RBM41: variants seen among roughly 807,000 people sequenced by gnomAD.
RBM41 encodes RNA binding motif protein 41.
RBM41 carries 14 observed loss-of-function variants against 30.8 expected under a neutral mutation model. That is an observed-to-expected ratio of 0.45 (90% CI 0.30 to 0.71). The LOEUF is 0.71. RBM41 is among the 30% of genes least tolerant of loss of function. RBM41 has a pLI of 0.08. For missense variants in RBM41, 276 were observed against 326.3 expected, an observed-to-expected ratio of 0.85 and a Z score of 1.19; for synonymous variants, 120 against 110.1, an observed-to-expected ratio of 1.09 and a Z score of -0.56.
downstream of RBM41, among the ~76,000 whole-genome samples, chrX:107,059,488 C>T (rs960777718): frequency 1.3e-4 from 15 of 111,308 alleles, no homozygotes; most frequent in African/African-American, 4.9e-4. Flanking sequence ...GCATATGTAT[C>T]CTGGAACTTT....
At chrX:107,101,167 G>T (rs1923424854) in intron 5 of RBM41, among the ~76,000 whole-genome samples, 1 of 111,454 alleles carries the variant, frequency 9.0e-6, no homozygotes, top group Admixed American at 9.6e-5. Context: ...ATATCTAGTG[G>T]GAAGAGGGTT....
Position 107,066,557 on chromosome X carries a change from A to T in RBM41, c.*970T>A, listed in dbSNP as rs1382507370. On this transcript the variant is annotated 3_prime_UTR_variant, in exon 8 of 8. Transcript: ENST00000685964. ...ACAACCCAGTGAGGTAAGTAGCATT[A>T]TTATCCTCACTTTATAGATGAAAAA... The T allele has an allele frequency of 1.9e-5, 4 of 213,275 alleles. No homozygotes were observed. Among genetic ancestry groups the T allele is most frequent in the African/African-American group, 3.0e-5 (1 of 32,916 alleles). 17.6% of individuals were successfully genotyped at this position (213,275 alleles called of 1,213,427 possible).
rs1935827606 is a variant in RBM41 at position 107,066,131 on chromosome X, G to GA, written c.*1395dup. Among the ~76,000 whole-genome samples, 1 of 111,983 alleles carries GA rather than the reference G, an allele frequency of 8.9e-6. No individual in the cohort carries two copies. The highest frequency in any genetic ancestry group is 3.7e-4 in the South Asian group (1 of 2,701). ...GACAGTTATTTTCTTTGAACACTTT[G>GA]AATGTGTTATTCCACTGCCACTGCC... On this transcript the variant is annotated 3_prime_UTR_variant, in exon 8 of 8. Transcript: ENST00000685964.
Position 107,115,877 on chromosome X carries a change from A to G in RBM41, c.303T>C (p.His101=). Residue 101 remains histidine (H), a synonymous_variant, in exon 3 of 8, where the codon CAT becomes CAC. Coordinates refer to ENST00000685964, the MANE Select transcript of RBM41 (RefSeq NM_001324242.2). ...CCCCACTCACCTTTTCACCAGAAACATGGCTCTTCCAGATCAAGATTTCTG... is the reference window on the plus strand; with the variant it reads ...CCCCACTCACCTTTTCACCAGAAACGTGGCTCTTCCAGATCAAGATTTCTG... ...NETEILIWKS[H]VSGEKKTKLR... is the part of the protein sequence containing the mutation. 3 of 1,193,393 alleles carry G rather than the reference A, an allele frequency of 2.5e-6. No individual in the cohort carries two copies. Among genetic ancestry groups the G allele is most frequent in the Non-Finnish European group, 3.4e-6 (3 of 886,082 alleles).
At chrX:107,090,973 C>T (rs1269024792) in intron 5 of RBM41, among the ~76,000 whole-genome samples, 3 of 108,714 alleles carry the variant, frequency 2.8e-5, no homozygotes, top group African/African-American at 6.7e-5. Context: ...CTCCACCCCC[C>T]GAAAGGCCCC....
In RBM41 at chrX:107,062,632, T is replaced by C. The variant is rs1935680749; in HGVS notation, c.*4895A>G. Among the ~76,000 whole-genome samples the C allele has an allele frequency of 9.2e-6, 1 of 108,211 alleles. No homozygotes were observed. The highest frequency in any genetic ancestry group is 1.9e-5 in the Non-Finnish European group (1 of 52,799). 94.0% of individuals were successfully genotyped at this position (108,211 alleles called of 115,157 possible). A position where few individuals can be genotyped will look rare whatever the true frequency, so the allele number is the denominator to read the frequency against. On this transcript the variant is annotated 3_prime_UTR_variant, in exon 8 of 8. Transcript: ENST00000685964. Reference sequence around the variant, plus strand: ...ATTGGCAGAATATTTTTTAAAAAATTTTTTAGTTAAAAAAAAAAATGAAAA... The same window carrying C: ...ATTGGCAGAATATTTTTTAAAAAATCTTTTAGTTAAAAAAAAAAATGAAAA...
At chrX:107,108,600 A>G (rs1266905040) in intron 5 of RBM41, among the ~76,000 whole-genome samples, 1 of 112,383 alleles carries the variant, frequency 8.9e-6, no homozygotes, top group Non-Finnish European at 1.9e-5. Flanking sequence ...AGATATTAAG[A>G]CAATTCAATG....
At chrX:107,052,123 T>G in the RBM41 span, among the ~76,000 whole-genome samples, 2 of 111,576 alleles carry the variant, frequency 1.8e-5, no homozygotes, top group Non-Finnish European at 3.8e-5. Flanking sequence ...CTTATTTTAA[T>G]TATTTTTTGC....
At chrX:107,070,851 GTC>G (rs2147878636) in intron 6 of RBM41, among the ~76,000 whole-genome samples, 1 of 109,875 alleles carries the variant, frequency 9.1e-6, no homozygotes, top group South Asian at 4.0e-4. Flanking sequence ...GTGAGACCCT[GTC>G]TCTGCAAAAG....
At chrX:107,116,132 G>A in intron 2 of RBM41, 78 bp from the exon 3 acceptor site, 2 of 1,002,349 alleles carry the variant, frequency 2.0e-6, no homozygotes, top group Non-Finnish European at 2.5e-6. Flanking sequence ...AGCACTGTAA[G>A]AGGTACAATG....
chrX:107,075,157 GAA>G (rs758605981), intron 6 of RBM41, among the ~76,000 whole-genome samples: 99 of 111,906 alleles, frequency 8.8e-4, no homozygotes, highest in Non-Finnish European at 1.6e-3. Context: ...TATAACATGA[GAA>G]AAAGATAGTC....
At position 107,088,673 on chromosome X, in the gene RBM41, A is replaced by G; in HGVS notation, c.762T>C (p.Ala254=). The stretch of plus-strand genomic sequence containing the variant: ...TGTCCTGGAGTAATGATGGGCTCTC[A>G]GCTGTGCCACTATCACCCACTGATG... ...SATSVGDSGT[A]ESPSLLQDKG... is the part of the protein sequence containing the mutation. The change falls in exon 6 of 8, where the codon GCT becomes GCC. Residue 254 remains alanine, a synonymous_variant. Transcript: ENST00000685964. The G allele has an allele frequency of 8.3e-7, 1 of 1,211,628 alleles. No individual in the cohort carries two copies. The highest frequency in any genetic ancestry group is 1.1e-6 in the Non-Finnish European group (1 of 895,464).
Position 107,066,681 on chromosome X carries a change from T to C in RBM41, c.*846A>G. On this transcript the variant is annotated 3_prime_UTR_variant, in exon 8 of 8. Transcript: ENST00000685964. The stretch of plus-strand genomic sequence containing the variant: ...TGTACTACTTCCTCTCTGTATATTG[T>C]TTTTTTATTTTCCAGCAACCATAAA... 2.7e-6 allele frequency: 2 copies of C among 747,383 alleles called. No homozygotes were observed. Among genetic ancestry groups the C allele is most frequent in the Non-Finnish European group, 3.2e-6 (2 of 633,207 alleles). The allele number at this position is 747,383 out of a possible 1,213,427, so 61.6% of individuals were successfully genotyped here.
chrX:107,090,095 G>A (rs969286741), intron 5 of RBM41, among the ~76,000 whole-genome samples: 4 of 112,070 alleles, frequency 3.6e-5, no homozygotes, highest in African/African-American at 1.3e-4. Flanking sequence ...TCTAATGGAG[G>A]CCGGGCGTGG....
At chrX:107,068,308 G>A (rs1189992426) in intron 7 of RBM41, among the ~76,000 whole-genome samples, 1 of 111,168 alleles carries the variant, frequency 9.0e-6, no homozygotes, top group African/African-American at 3.3e-5. Context: ...AAGTAGACAA[G>A]TAGACTAAAC....
At chrX:107,054,589 G>A in the RBM41 span, among the ~76,000 whole-genome samples, 335 of 111,626 alleles carry the variant, frequency 3.0e-3, 2 homozygotes, top group African/African-American at 9.5e-3. Flanking sequence ...CTATTTCGCC[G>A]TACCTGGGAA....
chrX:107,052,253 G>A, the RBM41 span, among the ~76,000 whole-genome samples: 1 of 111,479 alleles, frequency 9.0e-6, no homozygotes, highest in Non-Finnish European at 1.9e-5. Flanking sequence ...CCCTCTTGCT[G>A]TGCTCTCAGG....
chrX:107,078,055 G>C (rs1031216165), intron 6 of RBM41, among the ~76,000 whole-genome samples: 2 of 111,337 alleles, frequency 1.8e-5, no homozygotes, highest in Admixed American at 9.5e-5. Flanking sequence ...CTAGGATCTA[G>C]GTTACATTAC....
chrX:107,116,608 T>G, intron 2 of RBM41, 42 bp downstream of exon 2: 1 of 1,193,298 alleles, frequency 8.4e-7, no homozygotes, highest in Non-Finnish European at 1.1e-6. Context: ...CACCTGGAGG[T>G]AAGAGTCTAT....
Sources: gnomAD v4.1 joint callset for allele counts (sites outside exome capture counted in the v4.1 genomes callset) on GRCh38, gnomAD v4.1.1 for gene constraint, MANE v1.5 for transcripts, NCBI Gene and HGNC (gene_info 2026-07-23, HGNC 2026-07-21) for gene names.